Variants in SUGCT observed in about 807,000 individuals in gnomAD.
SUGCT encodes the protein succinyl-CoA:glutarate-CoA transferase.
Under a neutral mutation model 55.0 loss-of-function variants are expected in SUGCT, and 41 were observed. That is an observed-to-expected ratio of 0.74 (90% confidence interval 0.58 to 0.97). SUGCT has a LOEUF of 0.97. Ranked by LOEUF, SUGCT falls within the 50% of genes least tolerant of loss-of-function variation. SUGCT has a pLI of 0.00. For missense variants in SUGCT, 568 were observed against 547.8 expected (o/e 1.04, Z -0.37); for synonymous variants, 187 against 200.4 (o/e 0.93, Z 0.56).
chr7:40,859,061 C>T (rs1794345387), intron 13 of SUGCT, among the ~76,000 whole-genome samples: 1 of 152,086 alleles, frequency 6.6e-6, no homozygotes, highest in African/African-American at 2.4e-5. Flanking sequence ...CCTATGGGCT[C>T]CTCAAATCAA....
At chr7:40,800,116 C>A (rs561452038) in intron 13 of SUGCT, among the ~76,000 whole-genome samples, 57 of 152,110 alleles carry the variant, frequency 3.7e-4, no homozygotes, top group Non-Finnish European at 6.6e-4. Flanking sequence ...CTTGCCTACC[C>A]AGCCAAAAAG....
In SUGCT at chr7:40,136,900, G is replaced by A. The variant is rs183038820; in HGVS notation, c.100+1780G>A. Among the ~76,000 whole-genome samples, 7 of 152,158 alleles carry A rather than the reference G, an allele frequency of 4.6e-5. No individual in the cohort carries two copies. The East Asian group carries it at 1.4e-3, about 30-fold the overall frequency. ...TAGTCCCAGTTGCTTGGGAGGCTGA[G>A]GTGGGATGGCTTGAGTCCTAGGAGG... is the stretch of plus-strand genomic sequence containing the variant. On this transcript the variant is annotated intron_variant, in intron 1 of 13. Coordinates refer to ENST00000335693, the MANE Select transcript of SUGCT (RefSeq NM_001193313.2).
the SUGCT span, among the ~76,000 whole-genome samples, chr7:40,918,296 A>G: frequency 6.6e-6 from 1 of 151,998 alleles, no homozygotes; most frequent in Non-Finnish European, 1.5e-5. Flanking sequence ...CCCTGTCTCT[A>G]CTAAAAATAC....
At chr7:41,029,983 A>T in the SUGCT span, among the ~76,000 whole-genome samples, 1 of 152,164 alleles carries the variant, frequency 6.6e-6, no homozygotes, top group East Asian at 1.9e-4. Context: ...TGTCCTTTCC[A>T]CAATGTTATA....
the SUGCT span, among the ~76,000 whole-genome samples, chr7:40,981,358 G>A: frequency 6.6e-6 from 1 of 152,176 alleles, no homozygotes; most frequent in South Asian, 2.1e-4. Flanking sequence ...TGTCTTTTCT[G>A]TCCCCTTTAG....
chr7:40,267,268 C>T (rs925119512), intron 7 of SUGCT, among the ~76,000 whole-genome samples: 3 of 152,122 alleles, frequency 2.0e-5, no homozygotes, highest in African/African-American at 7.2e-5. Flanking sequence ...TATCATAAAT[C>T]TCTCTGACAA....
intron 6 of SUGCT, among the ~76,000 whole-genome samples, chr7:40,214,923 A>G (rs918957622): frequency 6.6e-6 from 1 of 152,024 alleles, no homozygotes; most frequent in Non-Finnish European, 1.5e-5. Flanking sequence ...CAAAAAAAAA[A>G]AAAGAAAGAA....
At chr7:40,515,956 T>A (rs1793207023) in intron 12 of SUGCT, among the ~76,000 whole-genome samples, 1 of 152,240 alleles carries the variant, frequency 6.6e-6, no homozygotes, top group Non-Finnish European at 1.5e-5. Context: ...GCTTTGAATT[T>A]CTTCATAACT....
intron 12 of SUGCT, among the ~76,000 whole-genome samples, chr7:40,728,605 T>C (rs925266946): frequency 1.3e-5 from 2 of 152,192 alleles, no homozygotes; most frequent in African/African-American, 2.4e-5. Context: ...CTTTCTTCCA[T>C]TACATGTATT....
chr7:40,385,345 G>A (rs1219770609), intron 9 of SUGCT, among the ~76,000 whole-genome samples: 2 of 152,154 alleles, frequency 1.3e-5, no homozygotes, highest in Non-Finnish European at 2.9e-5. Context: ...TAATGTCACT[G>A]TTCTTGGCTT....
At chr7:40,673,191 A>ATGTCTGTT (rs1168548505) in intron 12 of SUGCT, among the ~76,000 whole-genome samples, 1 of 152,020 alleles carries the variant, frequency 6.6e-6, no homozygotes, top group African/African-American at 2.4e-5. Context: ...TCCATCCTCC[A>ATGTCTGTT]TGTCTGTTAT....
chr7:40,827,232 C>T (rs868389363), intron 13 of SUGCT, among the ~76,000 whole-genome samples: 1 of 152,220 alleles, frequency 6.6e-6, no homozygotes, highest in Middle Eastern at 3.4e-3. Flanking sequence ...CAAATGAAAA[C>T]CCATAGTGCA....
At chr7:40,938,144 A>C in the SUGCT span, among the ~76,000 whole-genome samples, 41,238 of 152,098 alleles carry the variant, frequency 0.27, 5,664 homozygotes, top group Middle Eastern at 0.34. Context: ...CAGCCTGGGG[A>C]TGGGGACTCC....
chr7:40,667,746 T>G (rs545701758), intron 12 of SUGCT, among the ~76,000 whole-genome samples: 52 of 152,264 alleles, frequency 3.4e-4, no homozygotes, highest in Non-Finnish European at 6.6e-4. Flanking sequence ...GAGATGTTCC[T>G]AATAGTCTCT....
At chr7:40,626,373 C>T (rs1319562529) in intron 12 of SUGCT, among the ~76,000 whole-genome samples, 2 of 145,098 alleles carry the variant, frequency 1.4e-5, no homozygotes, top group African/African-American at 5.8e-5. Flanking sequence ...TCTCCTGCTT[C>T]AGCCTCCTGA....
intron 1 of SUGCT, among the ~76,000 whole-genome samples, chr7:40,139,928 G>A (rs1787896140): frequency 6.6e-6 from 1 of 151,336 alleles, no homozygotes; most frequent in African/African-American, 2.4e-5. Flanking sequence ...TTAAGATGGA[G>A]TTTCGCTTTT....
At position 40,153,582 on chromosome 7, in the gene SUGCT, C is replaced by A. The variant is rs558278680; in HGVS notation, c.100+18462C>A. ...CATTTTGGACCTATCAACTCTTACC[C>A]CTGGGATACTCAGCCTCTGTGGTCT... On this transcript the variant is annotated intron_variant, in intron 1 of 13. Transcript: ENST00000335693. The A allele has an allele frequency of 1.8e-3, 912 of 501,164 alleles. 1 individual carries two copies. Among genetic ancestry groups the A allele is most frequent in the Non-Finnish European group, 3.1e-3 (765 of 250,526 alleles). 31.0% of individuals were successfully genotyped at this position (501,164 alleles called of 1,614,324 possible).
intron 9 of SUGCT, among the ~76,000 whole-genome samples, chr7:40,338,530 T>A (rs1796848970): frequency 6.6e-6 from 1 of 152,246 alleles, no homozygotes; most frequent in African/African-American, 2.4e-5. Flanking sequence ...TTTCTTCCAG[T>A]GGATCGAATC....
intron 12 of SUGCT, among the ~76,000 whole-genome samples, chr7:40,599,714 G>T (rs1798196458): frequency 2.6e-5 from 4 of 152,098 alleles, no homozygotes; most frequent in African/African-American, 7.2e-5. Flanking sequence ...CTGTAGTATT[G>T]CTTTCTACCC....
Sources: allele counts gnomAD v4.1 joint callset (sites outside exome capture counted in the v4.1 genomes callset), GRCh38; gene constraint gnomAD v4.1.1; transcripts MANE v1.5; gene names NCBI Gene and HGNC (gene_info 2026-07-23, HGNC 2026-07-21).